HARS2: variants seen among roughly 807,000 people sequenced by gnomAD.
The protein encoded by HARS2 is histidine--tRNA ligase, mitochondrial.
HARS2 carries 40 observed loss-of-function variants against 62.4 expected under a neutral mutation model. The observed-to-expected ratio is 0.64, with a 90% CI of 0.50 to 0.83. HARS2 has a LOEUF of 0.83. Among genes scored for constraint, HARS2 ranks in the 40% least tolerant of loss-of-function variants. The pLI is 0.00. For missense variants in HARS2, 569 were observed against 626.4 expected, an observed-to-expected ratio of 0.91 and a Z score of 0.98; for synonymous variants, 228 against 227.0, an observed-to-expected ratio of 1.00 and a Z score of -0.04.
intron 8 of HARS2, 56 bp downstream of exon 8, chr5:140,696,670 T>A: frequency 8.4e-7 from 1 of 1,190,258 alleles, no homozygotes. Context: ...TGACATGTGC[T>A]CAAATTCTAC....
Position 140,693,995 on chromosome 5 carries a change from A to G in HARS2, c.244A>G (p.Ile82Val). The G allele has an allele frequency of 1.2e-6, 2 of 1,614,086 alleles. No homozygotes were observed. Among genetic ancestry groups the G allele is most frequent in the African/African-American group, 2.7e-5 (2 of 75,046 alleles). Reference protein sequence around the residue: ...VVREKILDLVISCFKRHGAKG... With the variant: ...VVREKILDLVVSCFKRHGAKG... ...GAGGGAGAAAATTCTTGATTTGGTT[A>G]TCAGCTGCTTTAAACGTCATGGAGC... Residue 82 changes from isoleucine (I) to valine (V), a missense_variant, in exon 3 of 13, where the codon ATC becomes GTC. Transcript: ENST00000230771.
At chr5:140,697,741 G>A in intron 11 of HARS2, 56 bp downstream of exon 11, 2 of 1,323,914 alleles carry the variant, frequency 1.5e-6, no homozygotes, top group Admixed American at 3.4e-5. Flanking sequence ...TAGGACCCAG[G>A]GCTATATCTA....
chr5:140,698,754 G>C lies in HARS2; in HGVS notation c.*202G>C, dbSNP rs1382968692. 1.6e-6 allele frequency: 1 copy of C among 623,528 alleles called. No homozygotes were observed. Among genetic ancestry groups the C allele is most frequent in the Non-Finnish European group, 2.9e-6 (1 of 347,768 alleles). 38.6% of individuals were successfully genotyped at this position (623,528 alleles called of 1,614,324 possible). On this transcript the variant is annotated 3_prime_UTR_variant, in exon 13 of 13. Coordinates refer to ENST00000230771, the MANE Select transcript of HARS2 (RefSeq NM_012208.4). ...TAGTGTGAGCAGCTATTCTGCATGGGTGCAGATGGCTGGATGTGAAAGAGA... is the reference window on the plus strand; with the variant it reads ...TAGTGTGAGCAGCTATTCTGCATGGCTGCAGATGGCTGGATGTGAAAGAGA...
At chr5:140,698,422 C>G in intron 12 of HARS2, 71 bp from the exon 13 acceptor site, 3 of 1,170,148 alleles carry the variant, frequency 2.6e-6, no homozygotes, top group African/African-American at 1.5e-5. Flanking sequence ...TAAAACAAAT[C>G]TGGAAAAACA....
chr5:140,699,048 C>A lies in HARS2; in HGVS notation c.*496C>A, dbSNP rs967115197. On this transcript the variant is annotated 3_prime_UTR_variant, in exon 13 of 13. Transcript: ENST00000230771. ...CTGCTTTCAGCTTTGAGGACAGATG[C>A]TATCCTAAGGGCATGGCAGTACCCA... 4 of 257,896 alleles carry A rather than the reference C, an allele frequency of 1.6e-5. No homozygotes were observed. The South Asian group carries it at 1.9e-4, about 12-fold the overall frequency. 16.0% of individuals were successfully genotyped at this position (257,896 alleles called of 1,614,324 possible).
chr5:140,695,717 C>G (rs1759715549), intron 5 of HARS2, 21 bp from the exon 6 acceptor site: 1 of 1,613,240 alleles, frequency 6.2e-7, no homozygotes, highest in Non-Finnish European at 8.5e-7. Context: ...ATGTTTTTTC[C>G]CATCTTTTTC....
At position 140,697,052 on chromosome 5, in the gene HARS2, A is replaced by T. The variant is rs1004945960; in HGVS notation, c.936A>T (p.Leu312Phe). ...AGCTGCTATTTGAATACCTGACTTT[A>T]TTTGGAATTGCTGATAAGGTAAGCT... ...DLKLLFEYLT[L>F]FGIADKISFD... Residue 312 changes from leucine to phenylalanine, a missense_variant, in exon 9 of 13, where the codon TTA (leucine) becomes TTT (phenylalanine). Physicochemically the swap from Leu to Phe is conservative, Grantham distance 22 (BLOSUM62 0). Coordinates refer to ENST00000230771, the MANE Select transcript of HARS2 (RefSeq NM_012208.4). 3 of 1,614,170 alleles carry T rather than the reference A, an allele frequency of 1.9e-6. No homozygotes were observed. The highest frequency in any genetic ancestry group is 1.6e-4 in the Middle Eastern group (1 of 6,062).
intron 4 of HARS2, among the ~76,000 whole-genome samples, chr5:140,695,105 T>C (rs1048640351): frequency 6.6e-6 from 1 of 152,142 alleles, no homozygotes; most frequent in African/African-American, 2.4e-5. Context: ...TAAACAAGCA[T>C]CGTGGGTAAT....
At chr5:140,698,470 A>T in intron 12 of HARS2, 23 bp from the exon 13 acceptor site, 2 of 1,568,736 alleles carry the variant, frequency 1.3e-6, no homozygotes, top group Non-Finnish European at 1.8e-6. Context: ...AGTTTATCAC[A>T]TGAGGATTCT....
rs534809025 is a variant in HARS2, at chr5:140,698,680, C to T, written c.*128C>T. 45 of 820,478 alleles carry T rather than the reference C, an allele frequency of 5.5e-5. No homozygotes were observed. The African/African-American group carries it at 6.0e-4, about 11-fold the overall frequency. The allele number at this position is 820,478 out of a possible 1,614,324, so 50.8% of individuals were successfully genotyped here. A position where few individuals can be genotyped will look rare whatever the true frequency, so the allele number is the denominator to read the frequency against. ...GGGTGACAAGTACCTTCTGCCTCCTCCATTCTTCCTGGGTGCAGAACTGTA... is the reference window on the plus strand; with the variant it reads ...GGGTGACAAGTACCTTCTGCCTCCTTCATTCTTCCTGGGTGCAGAACTGTA... On this transcript the variant is annotated 3_prime_UTR_variant, in exon 13 of 13. Transcript: ENST00000230771.
At position 140,697,973 on chromosome 5, in the gene HARS2, G is replaced by C. The variant is rs1300384993; in HGVS notation, c.1356G>C (p.Gln452His). Residue 452 changes from glutamine to histidine, a missense_variant, in exon 12 of 13, where the codon CAG becomes CAC. Transcript: ENST00000230771. ...LYKNNPKLLT[Q>H]LHYCESTGIP... ...AGAACAACCCCAAACTATTAACCCA[G>C]CTGCACTATTGTGAGAGCACAGGCA... 8 of 1,613,968 alleles carry C rather than the reference G, an allele frequency of 5.0e-6. No individual in the cohort carries two copies. Among genetic ancestry groups the C allele is most frequent in the Non-Finnish European group, 6.8e-6 (8 of 1,179,824 alleles).
rs1471177771 is a variant in HARS2 at position 140,698,582 on chromosome 5, T to C, written c.*30T>C. On this transcript the variant is annotated 3_prime_UTR_variant, in exon 13 of 13. Transcript: ENST00000230771. ...TGCCTGATTCCCATCTGCTGCTCTT[T>C]GTAGAAAAGGTTTCCTCTAGAACTG... The C allele has an allele frequency of 6.4e-7, 1 of 1,562,226 alleles. No homozygotes were observed. Among genetic ancestry groups the C allele is most frequent in the Non-Finnish European group, 8.8e-7 (1 of 1,132,606 alleles).
chr5:140,696,483 G>C lies in HARS2; in HGVS notation c.733-38G>C, dbSNP rs375832898. 4.1e-6 allele frequency: 6 copies of C among 1,458,712 alleles called. No individual in the cohort carries two copies. The African/African-American group carries it at 6.9e-5, about 17-fold the overall frequency. 90.4% of individuals were successfully genotyped at this position (1,458,712 alleles called of 1,614,324 possible). A position where few individuals can be genotyped will look rare whatever the true frequency, so the allele number is the denominator to read the frequency against. On this transcript the variant is annotated intron_variant, in intron 7 of 12. Transcript: ENST00000230771. The stretch of plus-strand genomic sequence containing the variant: ...GTCCTTTTTCAGTTTGAGAAAGAAA[G>C]ATCTTGGGGCTGGGCTAATGTTTGG...
At position 140,696,110 on chromosome 5, in the gene HARS2, A is replaced by G. The variant is rs973137103; in HGVS notation, c.641A>G (p.Asp214Gly). Reference protein sequence around the residue: ...QLGDFLIKVNDRRIVDGMFAV... With the variant: ...QLGDFLIKVNGRRIVDGMFAV... Reference sequence around the variant, plus strand: ...CTGACATTGAGTTCTCAGGTAAATGACCGGCGGATTGTGGATGGGATGTTT... The same window carrying G: ...CTGACATTGAGTTCTCAGGTAAATGGCCGGCGGATTGTGGATGGGATGTTT... Residue 214 changes from aspartate to glycine, a missense_variant, in exon 7 of 13, where the codon GAC (aspartate) becomes GGC (glycine). Asp to Gly is a moderately conservative substitution (Grantham distance 94). Transcript: ENST00000230771. The G allele has an allele frequency of 2.5e-6, 4 of 1,613,562 alleles. No individual in the cohort carries two copies. Among genetic ancestry groups the G allele is most frequent in the Non-Finnish European group, 3.4e-6 (4 of 1,179,548 alleles).
At position 140,697,176 on chromosome 5, in the gene HARS2, C is replaced by T. The variant is rs75387627; in HGVS notation, c.967C>T (p.Leu323Phe). 1.1e-5 allele frequency: 18 copies of T among 1,614,186 alleles called. No homozygotes were observed. The East Asian group carries it at 4.0e-4, about 36-fold the overall frequency. The change falls in exon 10 of 13, where the codon CTC becomes TTC. Residue 323 changes from leucine to phenylalanine, a missense_variant. Physicochemically the swap from Leu to Phe is conservative, Grantham distance 22. Transcript: ENST00000230771. Reference protein sequence around the residue: ...FGIADKISFDLSLARGLDYYT... With the variant: ...FGIADKISFDFSLARGLDYYT... The stretch of plus-strand genomic sequence containing the variant: ...CTTGTCCCCACAGATCTCCTTTGAC[C>T]TCAGCCTGGCTCGGGGCCTAGACTA...
rs1562057428 is a variant in HARS2, at chr5:140,696,606, A to G, written c.818A>G (p.Gln273Arg). The G allele has an allele frequency of 1.9e-6, 3 of 1,606,670 alleles. No individual in the cohort carries two copies. The East Asian group carries it at 6.7e-5, about 36-fold the overall frequency. Residue 273 changes from glutamine to arginine, a missense_variant, in exon 8 of 13, where the codon CAG becomes CGG. By Grantham distance (43) the Gln-to-Arg change is conservative. Coordinates refer to ENST00000230771, the MANE Select transcript of HARS2 (RefSeq NM_012208.4). The part of the protein sequence containing the change: ...EVADRIGDYV[Q>R]CHGGVSLVEQ... ...GCTGATCGAATTGGGGACTATGTCC[A>G]GTGTCATGGTAAGAACCAGGGTTTT...
intron 1 of HARS2, chr5:140,693,361 G>T: frequency 2.6e-6 from 2 of 765,132 alleles, no homozygotes; most frequent in South Asian, 1.7e-5. Flanking sequence ...CATATACAGT[G>T]AGGAAGCTTG....
intron 1 of HARS2, among the ~76,000 whole-genome samples, chr5:140,692,681 T>C (rs963431434): frequency 6.6e-6 from 1 of 150,748 alleles, no homozygotes; most frequent in African/African-American, 2.4e-5. Context: ...TCACCTGAGG[T>C]CAGGAGTTTG....
In HARS2 at chr5:140,693,927, G is replaced by A. The variant is rs1759645882; in HGVS notation, c.184-8G>A. On this transcript the variant is annotated splice_polypyrimidine_tract_variant and splice_region_variant and intron_variant, in intron 2 of 12. Transcript: ENST00000230771. ...TTTGTTTTCACTATGGCTGCTTTTGGTTTCCAGGGTACCAGGGATCTTAGT... is the reference window on the plus strand; with the variant it reads ...TTTGTTTTCACTATGGCTGCTTTTGATTTCCAGGGTACCAGGGATCTTAGT... The A allele has an allele frequency of 6.2e-7, 1 of 1,614,082 alleles. No homozygotes were observed. The highest frequency in any genetic ancestry group is 1.7e-5 in the Admixed American group (1 of 60,014).
Sources: allele counts gnomAD v4.1 joint callset (sites outside exome capture counted in the v4.1 genomes callset), GRCh38; gene constraint gnomAD v4.1.1; transcripts MANE v1.5; gene names NCBI Gene and HGNC (gene_info 2026-07-23, HGNC 2026-07-21).